Variants in TANC1 observed in about 807,000 individuals in gnomAD.
TANC1 encodes tetratricopeptide repeat, ankyrin repeat and coiled-coil containing 1, also known as protein TANC1.
A neutral mutation model predicts 149.7 loss-of-function variants in TANC1; 77 were observed. The ratio of observed to expected loss-of-function variants is 0.51; its 90% confidence interval spans 0.43 to 0.62. TANC1 has a LOEUF of 0.62. TANC1 is among the 20% of genes least tolerant of loss of function. The probability of loss-of-function intolerance (pLI) is 0.00; values close to 1 mark genes in which losing one functional copy is unlikely to be tolerated. For missense variants in TANC1, 1,985 were observed against 2,321.8 expected, an observed-to-expected ratio of 0.85 and a Z score of 2.98; for synonymous variants, 854 against 925.0, an observed-to-expected ratio of 0.92 and a Z score of 1.39.
chr2:159,066,697 A>C (rs568306575), intron 3 of TANC1, among the ~76,000 whole-genome samples: 2 of 152,152 alleles, frequency 1.3e-5, no homozygotes, highest in African/African-American at 2.4e-5. Flanking sequence ...TGGAGTATCA[A>C]ATTTTACTCC....
intron 22 of TANC1, among the ~76,000 whole-genome samples, chr2:159,222,762 G>T (rs377645532): frequency 1.1e-4 from 16 of 152,162 alleles, no homozygotes; most frequent in Admixed American, 3.3e-4. Flanking sequence ...TCCAGAAGCA[G>T]AATTTCTGGC....
intron 19 of TANC1, among the ~76,000 whole-genome samples, chr2:159,203,035 G>T (rs2058349645): frequency 6.6e-6 from 1 of 152,100 alleles, no homozygotes; most frequent in African/African-American, 2.4e-5. Flanking sequence ...CTTCTGGTTA[G>T]AACCTTGCTC....
At chr2:158,982,456 A>G (rs2034489881) in intron 1 of TANC1, among the ~76,000 whole-genome samples, 1 of 152,398 alleles carries the variant, frequency 6.6e-6, no homozygotes, top group South Asian at 2.1e-4. Flanking sequence ...AATGGGGACA[A>G]TAATTCCTGT....
intron 2 of TANC1, among the ~76,000 whole-genome samples, chr2:159,043,269 T>C (rs1220560818): frequency 2.6e-5 from 4 of 152,148 alleles, no homozygotes; most frequent in Admixed American, 2.6e-4. Flanking sequence ...GGTTTTCTTT[T>C]TTCCAGTTCT....
chr2:159,127,152 G>A (rs1296118697), intron 4 of TANC1, among the ~76,000 whole-genome samples: 1 of 152,122 alleles, frequency 6.6e-6, no homozygotes, highest in Non-Finnish European at 1.5e-5. Context: ...AGTGGGCGAA[G>A]GACATGAACA....
At chr2:159,109,536 A>G (rs7595446) in intron 4 of TANC1, among the ~76,000 whole-genome samples, 49,542 of 152,050 alleles carry the variant, frequency 0.33, 8,785 homozygotes, top group East Asian at 0.63. Context: ...GCCATGTGAG[A>G]ATACGGTAGT....
At chr2:159,000,202 C>T (rs1248324135) in intron 1 of TANC1, among the ~76,000 whole-genome samples, 3 of 151,698 alleles carry the variant, frequency 2.0e-5, no homozygotes, top group Non-Finnish European at 4.4e-5. Context: ...GTGGATGGAG[C>T]GTGGGGTGTG....
At chr2:159,011,292 C>G (rs2037728223) in intron 2 of TANC1, among the ~76,000 whole-genome samples, 2 of 151,950 alleles carry the variant, frequency 1.3e-5, no homozygotes, top group Admixed American at 1.3e-4. Flanking sequence ...CTCTTTCTTT[C>G]TGTTTTCTCA....
intron 2 of TANC1, among the ~76,000 whole-genome samples, chr2:159,042,634 C>G (rs1002695855): frequency 2.0e-5 from 3 of 151,992 alleles, no homozygotes; most frequent in African/African-American, 7.2e-5. Context: ...ACCAGGTGTT[C>G]TGAGCACAGA....
At chr2:158,983,960 C>G (rs902426770) in intron 1 of TANC1, among the ~76,000 whole-genome samples, 1 of 152,134 alleles carries the variant, frequency 6.6e-6, no homozygotes, top group Non-Finnish European at 1.5e-5. Flanking sequence ...TATGGGTAAA[C>G]CAAAAAGTGT....
intron 2 of TANC1, among the ~76,000 whole-genome samples, chr2:159,063,773 G>GC (rs1371434653): frequency 6.6e-6 from 1 of 152,154 alleles, no homozygotes; most frequent in East Asian, 1.9e-4. Context: ...ATAGCTGAGT[G>GC]CCCCAAAATA....
chr2:159,064,119 CCTAT>C (rs1229224658), intron 2 of TANC1, among the ~76,000 whole-genome samples: 2 of 152,044 alleles, frequency 1.3e-5, no homozygotes, highest in East Asian at 3.8e-4. Flanking sequence ...TCTGTGTTTA[CCTAT>C]CTATTTATTA....
At chr2:159,221,672 A>T (rs987718102) in intron 22 of TANC1, among the ~76,000 whole-genome samples, 4 of 152,160 alleles carry the variant, frequency 2.6e-5, no homozygotes, top group African/African-American at 9.7e-5. Flanking sequence ...GGATTTCCTT[A>T]TTTTAAAGCC....
chr2:159,118,075 G>T (rs57817548), intron 4 of TANC1, among the ~76,000 whole-genome samples: 1 of 152,180 alleles, frequency 6.6e-6, no homozygotes, highest in Admixed American at 6.5e-5. Context: ...AGAAACCACA[G>T]AAGTGAAGTG....
intron 2 of TANC1, among the ~76,000 whole-genome samples, chr2:159,023,498 G>A (rs913024327): frequency 4.6e-5 from 7 of 151,872 alleles, no homozygotes; most frequent in Middle Eastern, 6.8e-3. Flanking sequence ...ATACAACCAC[G>A]CCTGGGTACT....
chr2:159,169,226 C>G, intron 8 of TANC1, 24 bp from the exon 9 acceptor site: 1 of 1,600,356 alleles, frequency 6.2e-7, no homozygotes, highest in South Asian at 1.1e-5. Context: ...TTTGAAGATA[C>G]TAAACTTCAG....
At chr2:159,156,358 G>T (rs1397680231) in intron 7 of TANC1, among the ~76,000 whole-genome samples, 1 of 152,154 alleles carries the variant, frequency 6.6e-6, no homozygotes, top group Non-Finnish European at 1.5e-5. Context: ...ATGTGGGAAA[G>T]AAATTCTTGG....
intron 4 of TANC1, among the ~76,000 whole-genome samples, chr2:159,111,554 T>C (rs1352525887): frequency 1.3e-5 from 2 of 152,178 alleles, no homozygotes; most frequent in Admixed American, 6.5e-5. Context: ...GAGCACCAGA[T>C]GAAGTAGATA....
intron 2 of TANC1, among the ~76,000 whole-genome samples, chr2:159,053,728 T>G (rs1459473287): frequency 1.3e-5 from 2 of 152,208 alleles, no homozygotes; most frequent in Admixed American, 6.5e-5. Context: ...TGCTAACTTC[T>G]GGGTAAGTGT....
Sources: allele counts gnomAD v4.1 joint callset (sites outside exome capture counted in the v4.1 genomes callset), GRCh38; gene constraint gnomAD v4.1.1; transcripts MANE v1.5; gene names NCBI Gene and HGNC (gene_info 2026-07-23, HGNC 2026-07-21).